The following ZBED4 variants were observed in gnomAD, a reference collection of about 807,000 sequenced individuals.
ZBED4 encodes the protein zinc finger BED-type containing 4.
In ZBED4, 4 loss-of-function variants were observed where a neutral mutation model predicts 15.5. The observed-to-expected ratio is 0.26, with a 90% CI of 0.13 to 0.59. ZBED4 has a LOEUF of 0.59. Ranked by LOEUF, ZBED4 falls within the 20% of genes least tolerant of loss-of-function variation. The probability of loss-of-function intolerance (pLI) is 0.90; values close to 1 mark genes in which losing one functional copy is unlikely to be tolerated. For synonymous variants in ZBED4, 692 were observed against 608.5 expected (o/e 1.14, Z -2.02); for missense variants, 1,323 against 1,461.8 (o/e 0.91, Z 1.55).
chr22:49,878,461 G>A (rs886870764), intron 1 of ZBED4, among the ~76,000 whole-genome samples: 7 of 152,136 alleles, frequency 4.6e-5, no homozygotes, highest in East Asian at 1.9e-4. Context: ...ACACATATGC[G>A]AGCAACCAAT....
chr22:49,861,518 C>G (rs776535227), intron 1 of ZBED4, among the ~76,000 whole-genome samples: 4 of 151,758 alleles, frequency 2.6e-5, no homozygotes, highest in Non-Finnish European at 1.5e-5. Flanking sequence ...ACCGCAGCCT[C>G]GACCTCACGG....
At chr22:49,868,783 G>A (rs5770731) in intron 1 of ZBED4, among the ~76,000 whole-genome samples, 140,138 of 151,962 alleles carry the variant, frequency 0.92, 64,725 homozygotes, top group African/African-American at 0.98. Flanking sequence ...CTGCCAGGAG[G>A]GTGGGAGCCC....
intron 1 of ZBED4, among the ~76,000 whole-genome samples, chr22:49,856,879 C>A (rs1482193773): frequency 6.6e-6 from 1 of 151,616 alleles, no homozygotes; most frequent in Non-Finnish European, 1.5e-5. Flanking sequence ...CAATGCCAGC[C>A]AGCTTCCCAC....
upstream of ZBED4, chr22:49,852,872 C>G (rs2060257623): frequency 6.6e-6 from 1 of 152,272 alleles, no homozygotes; most frequent in African/African-American, 2.4e-5. Context: ...CTCTTAAAAA[C>G]GAGAAAAGCA....
rs939886620 is a variant in ZBED4 at position 49,889,144 on chromosome 22, G to T, written c.*1966G>T. 1 of 167,036 alleles carries T rather than the reference G, an allele frequency of 6.0e-6. No individual in the cohort carries two copies. The highest frequency in any genetic ancestry group is 2.4e-5 in the African/African-American group (1 of 41,396). 10.3% of individuals were successfully genotyped at this position (167,036 alleles called of 1,614,324 possible). A position where few individuals can be genotyped will look rare whatever the true frequency, so the allele number is the denominator to read the frequency against. On this transcript the variant is annotated 3_prime_UTR_variant, in exon 2 of 2. Transcript: ENST00000216268. Reference sequence around the variant, plus strand: ...TTTCCAGGGCCTGGGCTAGTTCCTGGAATGCAACAGAGATTTCCGTGGACA... The same window carrying T: ...TTTCCAGGGCCTGGGCTAGTTCCTGTAATGCAACAGAGATTTCCGTGGACA...
intron 1 of ZBED4, among the ~76,000 whole-genome samples, chr22:49,861,894 G>T (rs906887977): frequency 6.6e-6 from 1 of 152,148 alleles, no homozygotes; most frequent in African/African-American, 2.4e-5. Context: ...TGTTCGTAGC[G>T]TGTGGTTGCT....
In ZBED4 at chr22:49,885,981, G is replaced by A. The variant is rs774473519; in HGVS notation, c.2319G>A (p.Ser773=). The change falls in exon 2 of 2, where the codon TCG becomes TCA. Residue 773 remains serine (S), a synonymous_variant. Coordinates refer to ENST00000216268, the MANE Select transcript of ZBED4 (RefSeq NM_014838.3). ...ACTGCTCGGCGCTGTTGGACGTGTC[G>A]CAGGTGGACTGCGACTACAGTGGCA... ...DHHCSALLDV[S]QVDCDYSGNS... 1.7e-5 allele frequency: 12 copies of A among 700,480 alleles called. No individual in the cohort carries two copies. Among genetic ancestry groups the A allele is most frequent in the East Asian group, 7.4e-5 (3 of 40,420 alleles). 43.4% of individuals were successfully genotyped at this position (700,480 alleles called of 1,614,324 possible).
In ZBED4 at chr22:49,887,763, A is replaced by T. The variant is rs1601807311; in HGVS notation, c.*585A>T. The stretch of plus-strand genomic sequence containing the variant: ...ACAGAGACGTGGCATTTGGAAACGA[A>T]ACTTAGATGTTTCATGGAGCTTATT... On this transcript the variant is annotated 3_prime_UTR_variant, in exon 2 of 2. Transcript: ENST00000216268. The T allele has an allele frequency of 6.0e-6, 1 of 167,232 alleles. No individual in the cohort carries two copies. The highest frequency in any genetic ancestry group is 2.1e-4 in the South Asian group (1 of 4,826). 10.4% of individuals were successfully genotyped at this position (167,232 alleles called of 1,614,324 possible).
chr22:49,885,537 G>A lies in ZBED4; in HGVS notation c.1875G>A (p.Pro625=), dbSNP rs772660581. 2.3e-5 allele frequency: 37 copies of A among 1,607,190 alleles called. No homozygotes were observed. The highest frequency in any genetic ancestry group is 1.6e-4 in the Middle Eastern group (1 of 6,064). ...CGGAGACGGCTCGGCCCTCCTCTCC[G>A]GACACCCGGGTGCCGCGGGGCACAG... is the stretch of plus-strand genomic sequence containing the variant. The part of the protein sequence containing the change: ...EVSETARPSS[P]DTRVPRGTEL... The change falls in exon 2 of 2, where the codon CCG becomes CCA. Residue 625 remains proline, a synonymous_variant. Transcript: ENST00000216268.
In ZBED4 at chr22:49,884,253, T is replaced by C. The variant is rs1289396341; in HGVS notation, c.591T>C (p.Gly197=). ...LLLPPQPADA[G]DLSTILSPIK... is the part of the protein sequence containing the mutation. The stretch of plus-strand genomic sequence containing the variant: ...TTCCACCACAGCCTGCGGACGCGGG[T>C]GACCTCAGCACCATCCTCTCACCCA... Residue 197 remains glycine (G), a synonymous_variant, in exon 2 of 2, where the codon GGT becomes GGC. Transcript: ENST00000216268. The C allele has an allele frequency of 1.2e-6, 2 of 1,604,870 alleles. No homozygotes were observed. Among genetic ancestry groups the C allele is most frequent in the East Asian group, 2.2e-5 (1 of 44,782 alleles).
At chr22:49,881,110 C>A (rs1324282511) in intron 1 of ZBED4, among the ~76,000 whole-genome samples, 1 of 152,204 alleles carries the variant, frequency 6.6e-6, no homozygotes, top group Middle Eastern at 3.2e-3. Flanking sequence ...CTTCGGGAGG[C>A]TGAGGCAGGT....
At chr22:49,875,006 A>G (rs2060368749) in intron 1 of ZBED4, among the ~76,000 whole-genome samples, 1 of 151,998 alleles carries the variant, frequency 6.6e-6, no homozygotes, top group African/African-American at 2.4e-5. Flanking sequence ...TGACTATTAA[A>G]CCAACCTTTT....
At chr22:49,859,286 A>G (rs1388422227) in intron 1 of ZBED4, among the ~76,000 whole-genome samples, 2 of 152,078 alleles carry the variant, frequency 1.3e-5, no homozygotes, top group African/African-American at 4.8e-5. Flanking sequence ...TGTGGGGGCA[A>G]ATTTTTACTT....
At chr22:49,882,013 T>C (rs1414486644) in intron 1 of ZBED4, among the ~76,000 whole-genome samples, 1 of 152,224 alleles carries the variant, frequency 6.6e-6, no homozygotes, top group East Asian at 1.9e-4. Context: ...CTTAAGCCTG[T>C]TTCCCCAGCA....
Position 49,874,672 on chromosome 22 carries a change from CTTTTTTTT to C in ZBED4, c.-329-8643_-329-8636del, listed in dbSNP as rs10636316. 7.5e-4 allele frequency among the ~76,000 whole-genome samples: 28 copies of C among 37,314 alleles called. No homozygotes were observed. In the East Asian group the frequency reaches 9.3e-3, roughly 12 times the overall value. 24.5% of individuals were successfully genotyped at this position (37,314 alleles called of 152,430 possible). On this transcript the variant is annotated intron_variant, in intron 1 of 1. Transcript: ENST00000216268. The stretch of plus-strand genomic sequence containing the variant: ...ACAGGCGTGAACCACCATGCCCAGC[CTTTTTTTT>C]TTTTTTTTTTTTTTTTTTGAGACGG...
intron 1 of ZBED4, among the ~76,000 whole-genome samples, chr22:49,880,731 A>G (rs1417207534): frequency 6.6e-6 from 1 of 152,194 alleles, no homozygotes. Flanking sequence ...TTGTATTCCC[A>G]TATCAATTTT....
intron 1 of ZBED4, among the ~76,000 whole-genome samples, chr22:49,862,356 TGGCC>T (rs2060301086): frequency 6.6e-6 from 1 of 152,246 alleles, no homozygotes; most frequent in African/African-American, 2.4e-5. Flanking sequence ...TCTCTCACCG[TGGCC>T]TGCAAGTAGC....
Position 49,886,417 on chromosome 22 carries a change from C to T in ZBED4, c.2755C>T (p.Arg919Ter), listed in dbSNP as rs1213294710. The T allele has an allele frequency of 2.5e-6, 4 of 1,599,516 alleles. No homozygotes were observed. Among genetic ancestry groups the T allele is most frequent in the Non-Finnish European group, 2.6e-6 (3 of 1,170,284 alleles). The change falls in exon 2 of 2, where the codon CGA becomes TGA. Residue 919 changes from arginine (R) to a stop codon, truncating the protein, a stop_gained. Coordinates refer to ENST00000216268, the MANE Select transcript of ZBED4 (RefSeq NM_014838.3). LOFTEE classifies it high-confidence loss of function. The surrounding 1 kb of genome is among the most constrained non-coding windows in gnomAD (Gnocchi z 7.7). ...CGAGATGTCCGTCGAGTGTAACTTCCGAGAGCTGATCAGCTGCGACCAGTG... is the reference window on the plus strand; with the variant it reads ...CGAGATGTCCGTCGAGTGTAACTTCTGAGAGCTGATCAGCTGCGACCAGTG... ...INEMSVECNF[R>*]ELISCDQWEV...
intron 1 of ZBED4, among the ~76,000 whole-genome samples, chr22:49,857,661 G>A (rs1417846549): frequency 1.3e-5 from 2 of 151,838 alleles, no homozygotes; most frequent in African/African-American, 4.8e-5. Context: ...TTACAATCTC[G>A]GCTCACTGCA....
Sources: gnomAD v4.1 joint callset for allele counts (sites outside exome capture counted in the v4.1 genomes callset) on GRCh38, gnomAD v4.1.1 for gene constraint, Gnocchi (gnomAD v3.1) non-coding constraint, MANE v1.5 for transcripts, NCBI Gene and HGNC (gene_info 2026-07-23, HGNC 2026-07-21) for gene names.